Variants in ADAM10 observed in about 807,000 individuals in gnomAD.
ADAM10 encodes the protein ADAM metallopeptidase domain 10, also known as disintegrin and metalloproteinase domain-containing protein 10.
In ADAM10, 17 loss-of-function variants were observed where a neutral mutation model predicts 90.1. The observed-to-expected ratio is 0.19, with a 90% CI of 0.13 to 0.28. The LOEUF is 0.28. ADAM10 is among the 10% of genes least tolerant of loss of function. ADAM10 has a pLI of 1.00. For synonymous variants in ADAM10, 310 were observed against 298.6 expected (o/e 1.04, Z -0.40); for missense variants, 610 against 914.3 (o/e 0.67, Z 4.29).
Position 58,640,966 on chromosome 15 carries a change from A to C in ADAM10, c.829-6T>G. On this transcript the variant is annotated splice_region_variant and splice_polypyrimidine_tract_variant and intron_variant, in intron 7 of 15. Coordinates refer to ENST00000260408, the MANE Select transcript of ADAM10 (RefSeq NM_001110.4). Reference sequence around the variant, plus strand: ...TCATCAGCAGTTGTATTGATCTAAAATCCAAAACAATAATTTAGTAAGTAA... The same window carrying C: ...TCATCAGCAGTTGTATTGATCTAAACTCCAAAACAATAATTTAGTAAGTAA... The C allele has an allele frequency of 6.2e-7, 1 of 1,612,206 alleles. No individual in the cohort carries two copies. Among genetic ancestry groups the C allele is most frequent in the Non-Finnish European group, 8.5e-7 (1 of 1,178,256 alleles).
chr15:58,700,176 T>G (rs545303817), intron 2 of ADAM10, among the ~76,000 whole-genome samples: 11 of 152,308 alleles, frequency 7.2e-5, no homozygotes, highest in African/African-American at 2.4e-4. Flanking sequence ...CTCTCAGCAT[T>G]AAACAGATCT....
At chr15:58,666,601 C>G (rs937509799) in intron 4 of ADAM10, among the ~76,000 whole-genome samples, 1 of 151,974 alleles carries the variant, frequency 6.6e-6, no homozygotes, top group Non-Finnish European at 1.5e-5. Context: ...TACAACTGTT[C>G]TGTGACCTTT....
chr15:58,598,564 AAGGTAGTGGATTTGCCTG>A (rs1395971579), intron 15 of ADAM10, among the ~76,000 whole-genome samples: 1 of 152,194 alleles, frequency 6.6e-6, no homozygotes, highest in Non-Finnish European at 1.5e-5. Context: ...TACTTTGTAT[AAGGTAGTGGATTTGCCTG>A]AGGCAAGACA....
chr15:58,677,402 T>C (rs971194074), intron 4 of ADAM10, among the ~76,000 whole-genome samples: 4 of 152,128 alleles, frequency 2.6e-5, no homozygotes, highest in Non-Finnish European at 4.4e-5. Flanking sequence ...TCCAGTGTCA[T>C]TCATCCTCCA....
chr15:58,604,999 C>CA (rs1895229994), intron 14 of ADAM10, among the ~76,000 whole-genome samples: 1 of 152,140 alleles, frequency 6.6e-6, no homozygotes, highest in Non-Finnish European at 1.5e-5. Context: ...CTCAACCTCC[C>CA]AAAGTGCTAA....
At chr15:58,738,831 C>A (rs185604313) in intron 1 of ADAM10, among the ~76,000 whole-genome samples, 17 of 151,974 alleles carry the variant, frequency 1.1e-4, no homozygotes, top group South Asian at 4.1e-4. Context: ...TTTTTCTGAA[C>A]CTGTGGGTTA....
intron 1 of ADAM10, among the ~76,000 whole-genome samples, chr15:58,721,959 C>T (rs926810580): frequency 7.9e-5 from 12 of 151,780 alleles, no homozygotes; most frequent in Admixed American, 2.0e-4. Flanking sequence ...ACCCGGGAGG[C>T]GAAGGTTACG....
chr15:58,733,004 A>T (rs750002497), intron 1 of ADAM10: 1 of 152,382 alleles, frequency 6.6e-6, no homozygotes, highest in Non-Finnish European at 1.5e-5. Context: ...GGGAATGCAG[A>T]AACTTCCACC....
Position 58,649,852 on chromosome 15 carries a change from A to G in ADAM10, c.586-3648T>C, listed in dbSNP as rs80124692. Among the ~76,000 whole-genome samples the G allele has an allele frequency of 4.6e-3, 696 of 152,288 alleles. 10 individuals are homozygous for G. Among genetic ancestry groups the G allele is most frequent in the African/African-American group, 0.016 (677 of 41,572 alleles). On this transcript the variant is annotated intron_variant, in intron 5 of 15. Transcript: ENST00000260408. ...TCTCTGTTACATTGGAAAAATTCTC[A>G]GCCATTACCTGTCCTTGACTCTCCA...
chr15:58,610,616 G>A, intron 13 of ADAM10, 99 bp from the exon 14 acceptor site: 1 of 1,158,882 alleles, frequency 8.6e-7, no homozygotes, highest in South Asian at 1.3e-5. Flanking sequence ...AAAAAAAACT[G>A]AAATCATTAC....
intron 2 of ADAM10, chr15:58,686,677 C>T (rs1184949504): frequency 4.3e-6 from 3 of 699,420 alleles, no homozygotes; most frequent in Non-Finnish European, 7.9e-6. Flanking sequence ...TGAATGACTG[C>T]CTTCAAGTCT....
Position 58,747,425 on chromosome 15 carries a change from T to C in ADAM10, c.55+2055A>G, listed in dbSNP as rs540638631. The stretch of plus-strand genomic sequence containing the variant: ...TTTTAAGTTAAATTTCCACCACAAC[T>C]TCTAATCTACACAAATTTCTCCTTT... On this transcript the variant is annotated intron_variant, in intron 1 of 15. Coordinates refer to ENST00000260408, the MANE Select transcript of ADAM10 (RefSeq NM_001110.4). 5.3e-5 allele frequency: 8 copies of C among 151,946 alleles called. No homozygotes were observed. In the South Asian group the frequency reaches 1.2e-3, roughly 24 times the overall value. The allele number at this position is 151,946 out of a possible 1,614,324, so 9.4% of individuals were successfully genotyped here.
intron 1 of ADAM10, among the ~76,000 whole-genome samples, chr15:58,742,590 G>A (rs1899650734): frequency 6.6e-6 from 1 of 152,196 alleles, no homozygotes. Context: ...CAAACTAGCT[G>A]GGTCAGGCTA....
chr15:58,681,467 G>A (rs956611463), intron 3 of ADAM10, among the ~76,000 whole-genome samples: 25 of 152,212 alleles, frequency 1.6e-4, no homozygotes, highest in African/African-American at 5.3e-4. Context: ...GAAATCACTC[G>A]TGTAGAAATA....
chr15:58,713,838 A>T lies in ADAM10; in HGVS notation c.206+3739T>A, dbSNP rs149817660. On this transcript the variant is annotated intron_variant, in intron 2 of 15. Coordinates refer to ENST00000260408, the MANE Select transcript of ADAM10 (RefSeq NM_001110.4). ...TTCTTTTTTTTTTTTTTCTGAGATG[A>T]AGTCTTGCTCTGTCGCCAGGCTGGA... Among the ~76,000 whole-genome samples the T allele has an allele frequency of 6.9e-3, 1,028 of 149,952 alleles. 13 individuals carry two copies. The highest frequency in any genetic ancestry group is 0.024 in the African/African-American group (981 of 40,528).
At chr15:58,652,399 TTTTGA>T (rs1382352573) in intron 5 of ADAM10, among the ~76,000 whole-genome samples, 2 of 152,172 alleles carry the variant, frequency 1.3e-5, no homozygotes, top group Non-Finnish European at 2.9e-5. Flanking sequence ...TCTTAATTCA[TTTTGA>T]TTTGATTTTT....
intron 5 of ADAM10, among the ~76,000 whole-genome samples, chr15:58,649,260 A>G (rs1224771020): frequency 6.6e-6 from 1 of 152,148 alleles, no homozygotes; most frequent in Non-Finnish European, 1.5e-5. Context: ...AAATTATAAC[A>G]TTTACTTGTT....
chr15:58,611,439 T>C, intron 12 of ADAM10: 1 of 331,008 alleles, frequency 3.0e-6, no homozygotes, highest in Non-Finnish European at 5.5e-6. Context: ...ATTTTTTTCC[T>C]GTAGAGCAAA....
At position 58,590,761 on chromosome 15, in the gene ADAM10, A is replaced by C. The variant is rs1196155374; in HGVS notation, c.*6786T>G. The C allele has an allele frequency of 6.6e-6, 1 of 152,258 alleles. No homozygotes were observed. Among genetic ancestry groups the C allele is most frequent in the Admixed American group, 6.5e-5 (1 of 15,282 alleles). 9.4% of individuals were successfully genotyped at this position (152,258 alleles called of 1,614,324 possible). ...GGAAGAAAACGATAATAAAATATTCATTTAAAATAAAGAATAAAATTGCTT... is the reference window on the plus strand; with the variant it reads ...GGAAGAAAACGATAATAAAATATTCCTTTAAAATAAAGAATAAAATTGCTT... On this transcript the variant is annotated 3_prime_UTR_variant, in exon 16 of 16. Coordinates refer to ENST00000260408, the MANE Select transcript of ADAM10 (RefSeq NM_001110.4).
Sources: gnomAD v4.1 joint callset for allele counts (sites outside exome capture counted in the v4.1 genomes callset) on GRCh38, gnomAD v4.1.1 for gene constraint, MANE v1.5 for transcripts, NCBI Gene and HGNC (gene_info 2026-07-23, HGNC 2026-07-21) for gene names.